SGCZ: variants seen among roughly 807,000 people sequenced by gnomAD.
SGCZ encodes the protein sarcoglycan zeta, also known as zeta-sarcoglycan.
Under a neutral mutation model 41.3 loss-of-function variants are expected in SGCZ, and 40 were observed. The ratio of observed to expected loss-of-function variants is 0.97; its 90% confidence interval spans 0.75 to 1.26. The LOEUF (loss-of-function observed/expected upper bound fraction) is 1.26. Among genes scored for constraint, SGCZ ranks in the 50% most tolerant of loss-of-function variants. The pLI is 0.00. For synonymous variants in SGCZ, 206 were observed against 137.5 expected (o/e 1.50, Z -3.49); for missense variants, 552 against 369.8 (o/e 1.49, Z -4.04).
chr8:14,838,222 T>C (rs537757120), intron 1 of SGCZ, among the ~76,000 whole-genome samples: 4 of 152,218 alleles, frequency 2.6e-5, no homozygotes, highest in South Asian at 4.2e-4. Context: ...GATAGGTAGA[T>C]AGAATGAATA....
chr8:14,135,981 G>A (rs1419633728), intron 5 of SGCZ, among the ~76,000 whole-genome samples: 1 of 152,098 alleles, frequency 6.6e-6, no homozygotes, highest in Admixed American at 6.6e-5. Flanking sequence ...TTATGAGATT[G>A]GTAGTACCCT....
At chr8:14,118,147 A>T (rs1421502348) in intron 5 of SGCZ, among the ~76,000 whole-genome samples, 1 of 152,086 alleles carries the variant, frequency 6.6e-6, no homozygotes, top group Non-Finnish European at 1.5e-5. Flanking sequence ...TAGATCCTTG[A>T]GGAATCGCCA....
At chr8:14,331,661 G>T (rs1357048641) in intron 2 of SGCZ, among the ~76,000 whole-genome samples, 3 of 151,938 alleles carry the variant, frequency 2.0e-5, no homozygotes, top group Non-Finnish European at 4.4e-5. Flanking sequence ...TTACCATCCT[G>T]AATATGATTT....
chr8:15,051,248 C>T (rs1458877069), intron 1 of SGCZ, among the ~76,000 whole-genome samples: 3 of 152,158 alleles, frequency 2.0e-5, no homozygotes, highest in African/African-American at 4.8e-5. Context: ...GGGGAAAGGA[C>T]ATGGGGAGGA....
In SGCZ at chr8:15,231,931, G is replaced by A. The variant is rs77297947; in HGVS notation, c.39+5654C>T. Among the ~76,000 whole-genome samples the A allele has an allele frequency of 3.7e-3, 566 of 152,190 alleles. 1 individual carries two copies. Among genetic ancestry groups the A allele is most frequent in the African/African-American group, 0.012 (514 of 41,540 alleles). ...GCCACCATGCCCGGCCTAAAATGAC[G>A]TTTATAGAAAATGTGGTAGCTTACT... On this transcript the variant is annotated intron_variant, in intron 1 of 7. Coordinates refer to ENST00000382080, the MANE Select transcript of SGCZ (RefSeq NM_139167.4).
At chr8:14,790,831 G>A (rs1216164260) in intron 1 of SGCZ, among the ~76,000 whole-genome samples, 1 of 152,032 alleles carries the variant, frequency 6.6e-6, no homozygotes. Flanking sequence ...AGGAGTTGGA[G>A]ACCAACCTGG....
intron 5 of SGCZ, among the ~76,000 whole-genome samples, chr8:14,124,817 C>T (rs1473863643): frequency 1.3e-5 from 2 of 152,038 alleles, no homozygotes; most frequent in Non-Finnish European, 2.9e-5. Context: ...TCCTAAAAGC[C>T]CATCTTCTTC....
chr8:14,646,428 A>G lies in SGCZ; in HGVS notation c.40-91502T>C, dbSNP rs564330444. ...TAGTATTCCATGGTGTATATGTACTACATTTTCATTATCCAACCCACTGTT... is the reference window on the plus strand; with the variant it reads ...TAGTATTCCATGGTGTATATGTACTGCATTTTCATTATCCAACCCACTGTT... On this transcript the variant is annotated intron_variant, in intron 1 of 7. Coordinates refer to ENST00000382080, the MANE Select transcript of SGCZ (RefSeq NM_139167.4). 2.7e-5 allele frequency among the ~76,000 whole-genome samples: 4 copies of G among 149,216 alleles called. No homozygotes were observed. The East Asian group carries it at 5.8e-4, about 22-fold the overall frequency.
intron 2 of SGCZ, among the ~76,000 whole-genome samples, chr8:14,412,216 G>C (rs966553357): frequency 2.0e-5 from 3 of 151,998 alleles, no homozygotes; most frequent in Admixed American, 6.6e-5. Context: ...TTAACTCTAT[G>C]ATATTGAGAA....
chr8:14,902,229 C>T (rs1431796430), intron 1 of SGCZ, among the ~76,000 whole-genome samples: 1 of 152,096 alleles, frequency 6.6e-6, no homozygotes, highest in Non-Finnish European at 1.5e-5. Context: ...TCCTTCTCTG[C>T]CTGTGTTCCA....
At chr8:14,278,575 G>T (rs973574934) in intron 3 of SGCZ, among the ~76,000 whole-genome samples, 2 of 152,054 alleles carry the variant, frequency 1.3e-5, no homozygotes, top group Non-Finnish European at 2.9e-5. Flanking sequence ...AGTATTAAAA[G>T]AAGATAAAAT....
chr8:14,419,914 C>T (rs990478328), intron 2 of SGCZ, among the ~76,000 whole-genome samples: 2 of 152,014 alleles, frequency 1.3e-5, no homozygotes, highest in South Asian at 2.1e-4. Context: ...AAAGCATGTA[C>T]CTTTTTCATC....
At chr8:15,076,148 T>A (rs1474238533) in intron 1 of SGCZ, among the ~76,000 whole-genome samples, 4 of 152,196 alleles carry the variant, frequency 2.6e-5, no homozygotes, top group African/African-American at 9.6e-5. Flanking sequence ...ACAAAATATC[T>A]GAAGATATTG....
chr8:15,008,812 G>A (rs1212559778), intron 1 of SGCZ, among the ~76,000 whole-genome samples: 4 of 125,522 alleles, frequency 3.2e-5, no homozygotes, highest in Non-Finnish European at 6.8e-5. Context: ...GAGGAGGGAG[G>A]GACGGAGGGA....
At chr8:14,667,265 A>G (rs1232720754) in intron 1 of SGCZ, among the ~76,000 whole-genome samples, 2 of 152,194 alleles carry the variant, frequency 1.3e-5, no homozygotes, top group Non-Finnish European at 2.9e-5. Context: ...TAACTGATGA[A>G]GAAACCTATT....
intron 6 of SGCZ, among the ~76,000 whole-genome samples, chr8:14,107,683 G>C (rs1050176854): frequency 6.6e-6 from 1 of 152,018 alleles, no homozygotes; most frequent in South Asian, 2.1e-4. Context: ...GTGTTGCCCA[G>C]GCTGGAGCAC....
At chr8:14,961,456 G>GTACC (rs1447553123) in intron 1 of SGCZ, among the ~76,000 whole-genome samples, 2 of 152,092 alleles carry the variant, frequency 1.3e-5, no homozygotes, top group East Asian at 3.9e-4. Flanking sequence ...AGCTACCGTG[G>GTACC]TACCATACAA....
chr8:14,325,120 G>A (rs149353806), intron 2 of SGCZ, among the ~76,000 whole-genome samples: 30 of 152,164 alleles, frequency 2.0e-4, no homozygotes, highest in African/African-American at 7.0e-4. Flanking sequence ...CACTATAAAG[G>A]TTCTTACATA....
intron 1 of SGCZ, among the ~76,000 whole-genome samples, chr8:14,626,987 A>T (rs1806481139): frequency 6.6e-6 from 1 of 152,180 alleles, no homozygotes. Context: ...TCACATGGTA[A>T]AAAAAGCACA....
Sources: allele counts gnomAD v4.1 joint callset (sites outside exome capture counted in the v4.1 genomes callset), GRCh38; gene constraint gnomAD v4.1.1; transcripts MANE v1.5; gene names NCBI Gene and HGNC (gene_info 2026-07-23, HGNC 2026-07-21).